SLC24A2: variants seen among roughly 807,000 people sequenced by gnomAD.
The protein encoded by SLC24A2 is solute carrier family 24 member 2.
A neutral mutation model predicts 62.0 loss-of-function variants in SLC24A2; 36 were observed. The observed-to-expected ratio is 0.58, with a 90% CI of 0.44 to 0.77. SLC24A2 has a LOEUF of 0.77. SLC24A2 is among the 30% of genes least tolerant of loss of function. The pLI is 0.00. For missense variants in SLC24A2, 846 were observed against 817.9 expected, an observed-to-expected ratio of 1.03 and a Z score of -0.42; for synonymous variants, 358 against 294.0, an observed-to-expected ratio of 1.22 and a Z score of -2.23.
the SLC24A2 span, among the ~76,000 whole-genome samples, chr9:19,894,628 G>A: frequency 2.2e-4 from 33 of 151,678 alleles, no homozygotes; most frequent in Admixed American, 3.9e-4. Context: ...TTCTAATTTT[G>A]AGTAAGCACA....
At chr9:19,547,916 A>G (rs1563953535) in intron 8 of SLC24A2, among the ~76,000 whole-genome samples, 1 of 151,718 alleles carries the variant, frequency 6.6e-6, no homozygotes, top group South Asian at 2.1e-4. Context: ...AATCAAACAC[A>G]TTCAGCTATT....
chr9:19,811,183 C>T, the SLC24A2 span, among the ~76,000 whole-genome samples: 1 of 152,184 alleles, frequency 6.6e-6, no homozygotes, highest in Non-Finnish European at 1.5e-5. Context: ...AGCTCCCTCT[C>T]TTTCTGCCAT....
At chr9:20,202,348 A>G in the SLC24A2 span, among the ~76,000 whole-genome samples, 1 of 152,186 alleles carries the variant, frequency 6.6e-6, no homozygotes, top group Non-Finnish European at 1.5e-5. Flanking sequence ...AAGTTGTGTG[A>G]AACTCCTTCT....
chr9:20,033,224 T>G, the SLC24A2 span, among the ~76,000 whole-genome samples: 1 of 152,134 alleles, frequency 6.6e-6, no homozygotes, highest in African/African-American at 2.4e-5. Context: ...AGTGTAGTAA[T>G]AGTGAAAGAA....
At chr9:19,794,079 T>C in the SLC24A2 span, among the ~76,000 whole-genome samples, 1 of 152,232 alleles carries the variant, frequency 6.6e-6, no homozygotes, top group Non-Finnish European at 1.5e-5. Context: ...GATTGAGGGA[T>C]GAAAGTGCAG....
chr9:19,531,691 G>GC (rs1833715961), intron 8 of SLC24A2, among the ~76,000 whole-genome samples: 3 of 145,606 alleles, frequency 2.1e-5, no homozygotes, highest in African/African-American at 7.8e-5. Flanking sequence ...ATTTAACAAA[G>GC]ACCCCCCCCC....
At chr9:19,695,188 A>G (rs937573319) in intron 2 of SLC24A2, among the ~76,000 whole-genome samples, 2 of 152,124 alleles carry the variant, frequency 1.3e-5, no homozygotes, top group Non-Finnish European at 2.9e-5. Flanking sequence ...TAAACATCCT[A>G]TAATGCAAAG....
chr9:20,075,909 A>G, the SLC24A2 span, among the ~76,000 whole-genome samples: 1 of 152,304 alleles, frequency 6.6e-6, no homozygotes, highest in East Asian at 1.9e-4. Flanking sequence ...CAAGTCCCTG[A>G]TATAAAATGG....
At chr9:20,231,469 C>A in the SLC24A2 span, among the ~76,000 whole-genome samples, 11 of 152,090 alleles carry the variant, frequency 7.2e-5, no homozygotes, top group Admixed American at 4.6e-4. Flanking sequence ...AAGTTGGATT[C>A]CTAGGTATTT....
intron 2 of SLC24A2, among the ~76,000 whole-genome samples, chr9:19,647,091 C>A (rs1388324253): frequency 6.6e-6 from 1 of 151,096 alleles, no homozygotes; most frequent in Non-Finnish European, 1.5e-5. Flanking sequence ...CACACACACA[C>A]ACACACACAC....
At chr9:20,249,043 A>T in the SLC24A2 span, among the ~76,000 whole-genome samples, 89 of 152,288 alleles carry the variant, frequency 5.8e-4, 1 homozygote, top group Middle Eastern at 0.01. Context: ...CAAGACAAAG[A>T]CGATGAAGTA....
intron 2 of SLC24A2, among the ~76,000 whole-genome samples, chr9:19,638,059 C>G (rs1312427506): frequency 1.3e-5 from 2 of 152,178 alleles, no homozygotes; most frequent in East Asian, 3.8e-4. Flanking sequence ...CATAAGCATT[C>G]TCAATCCATT....
At chr9:19,608,260 G>T (rs543315241) in intron 4 of SLC24A2, among the ~76,000 whole-genome samples, 3 of 151,678 alleles carry the variant, frequency 2.0e-5, no homozygotes, top group Non-Finnish European at 4.4e-5. Flanking sequence ...ATAAAAGGGG[G>T]CATGAAATGA....
Position 19,599,308 on chromosome 9 carries a change from C to T in SLC24A2, c.1079-2029G>A, listed in dbSNP as rs937338903. Among the ~76,000 whole-genome samples, 3 of 152,140 alleles carry T rather than the reference C, an allele frequency of 2.0e-5. No homozygotes were observed. The South Asian group carries it at 6.2e-4, about 31-fold the overall frequency. On this transcript the variant is annotated intron_variant, in intron 4 of 10. Coordinates refer to ENST00000341998, the MANE Select transcript of SLC24A2 (RefSeq NM_020344.4). This position sits in a 1 kb window ranked among gnomAD's most constrained non-coding sequence, Gnocchi z 4.5. ...TGTCTAGATCGCTTCTTAGCTGCTT[C>T]CTTGGATATGATGAATGAGACTGAA...
the SLC24A2 span, among the ~76,000 whole-genome samples, chr9:19,956,514 G>A: frequency 6.6e-6 from 1 of 152,118 alleles, no homozygotes; most frequent in Admixed American, 6.5e-5. Context: ...AGAAAAAGAG[G>A]TTTAATGGAC....
At chr9:20,140,272 T>A in the SLC24A2 span, among the ~76,000 whole-genome samples, 1 of 152,172 alleles carries the variant, frequency 6.6e-6, no homozygotes, top group African/African-American at 2.4e-5. Context: ...GGGAGGCAGA[T>A]CTGTACACAG....
the SLC24A2 span, among the ~76,000 whole-genome samples, chr9:20,193,252 TA>T: frequency 3.3e-5 from 5 of 152,302 alleles, no homozygotes; most frequent in African/African-American, 9.6e-5. Flanking sequence ...ACTGGATTTG[TA>T]ACCCTGAGTA....
chr9:19,735,689 T>G (rs1003425429), intron 2 of SLC24A2, among the ~76,000 whole-genome samples: 1 of 152,132 alleles, frequency 6.6e-6, no homozygotes, highest in East Asian at 1.9e-4. Context: ...TAAAAAATGA[T>G]GAGTTCATGT....
chr9:19,723,333 CT>C (rs564809776), intron 2 of SLC24A2, among the ~76,000 whole-genome samples: 171 of 151,896 alleles, frequency 1.1e-3, no homozygotes, highest in African/African-American at 4.0e-3. Context: ...TTTCATATTT[CT>C]GCTAACAATA....
Sources: allele counts gnomAD v4.1 joint callset (sites outside exome capture counted in the v4.1 genomes callset), GRCh38; gene constraint gnomAD v4.1.1; non-coding constraint Gnocchi (gnomAD v3.1); transcripts MANE v1.5; gene names NCBI Gene and HGNC (gene_info 2026-07-23, HGNC 2026-07-21).